The following DLGAP2 variants were observed in gnomAD, a reference collection of about 807,000 sequenced individuals.
The protein encoded by DLGAP2 is disks large-associated protein 2.
A neutral mutation model predicts 100.3 loss-of-function variants in DLGAP2; 26 were observed. The observed-to-expected ratio is 0.26, with a 90% CI of 0.19 to 0.36. The LOEUF is 0.36. DLGAP2 is among the 10% of genes least tolerant of loss of function. The pLI is 1.00. For missense variants in DLGAP2, 1,858 were observed against 1,453.2 expected (o/e 1.28, Z -4.53); for synonymous variants, 886 against 630.1 (o/e 1.41, Z -6.08).
chr8:1,547,832 C>G (rs1397844972), intron 4 of DLGAP2, among the ~76,000 whole-genome samples: 1 of 152,178 alleles, frequency 6.6e-6, no homozygotes, highest in Non-Finnish European at 1.5e-5. Context: ...CAGATGGGAC[C>G]TCGAGAAAGC....
chr8:905,165 T>C (rs1445974387), intron 1 of DLGAP2, among the ~76,000 whole-genome samples: 1 of 152,128 alleles, frequency 6.6e-6, no homozygotes, highest in Non-Finnish European at 1.5e-5. Flanking sequence ...TCCTCAAGTA[T>C]AAAGAGCTAC....
chr8:1,222,215 T>G (rs1468215193), intron 2 of DLGAP2, among the ~76,000 whole-genome samples: 1 of 152,262 alleles, frequency 6.6e-6, no homozygotes, highest in Non-Finnish European at 1.5e-5. Flanking sequence ...GGGCTGATGT[T>G]ACTTTAATCT....
chr8:1,482,477 C>T (rs536834206), intron 3 of DLGAP2, among the ~76,000 whole-genome samples: 16 of 152,352 alleles, frequency 1.1e-4, no homozygotes, highest in Non-Finnish European at 1.5e-4. Context: ...ATGTATGGAA[C>T]GTCTGCTCTG....
chr8:1,203,719 A>G (rs4735993), intron 2 of DLGAP2, among the ~76,000 whole-genome samples: 62,057 of 152,098 alleles, frequency 0.41, 16,128 homozygotes, highest in African/African-American at 0.73. Context: ...CCAACCACAC[A>G]CACAAATGAT....
At chr8:1,377,946 C>G (rs1432201617) in intron 3 of DLGAP2, 1 of 150,602 alleles carries the variant, frequency 6.6e-6, no homozygotes, top group Non-Finnish European at 1.5e-5. Context: ...GTTCACGCAC[C>G]CCTGTGCAGA....
intron 3 of DLGAP2, among the ~76,000 whole-genome samples, chr8:1,287,020 C>G (rs1799935698): frequency 6.6e-6 from 1 of 152,220 alleles, no homozygotes. Context: ...CGTGAACCAG[C>G]TGCTTCATTT....
At chr8:1,525,342 C>T (rs896566234) in intron 4 of DLGAP2, among the ~76,000 whole-genome samples, 4 of 152,010 alleles carry the variant, frequency 2.6e-5, no homozygotes, top group Admixed American at 1.3e-4. Flanking sequence ...TGGTTAATGG[C>T]TTTTTATTTT....
chr8:838,745 ACTTT>A (rs1796928705), intron 1 of DLGAP2, among the ~76,000 whole-genome samples: 1 of 152,214 alleles, frequency 6.6e-6, no homozygotes, highest in Admixed American at 6.5e-5. Flanking sequence ...GTAATGAAGA[ACTTT>A]CTTTAATGAG....
At position 1,169,150 on chromosome 8, in the gene DLGAP2, A is replaced by T. The variant is rs543270195; in HGVS notation, c.74-89701A>T. Among the ~76,000 whole-genome samples the T allele has an allele frequency of 3.1e-3, 466 of 151,548 alleles. 1 individual carries two copies. The highest frequency in any genetic ancestry group is 0.011 in the African/African-American group (447 of 41,216). ...TTATTAAATAGGGAATCCTTTCCCCATTGCTTGTTTTTCTAAGGTTTGTCA... is the reference window on the plus strand; with the variant it reads ...TTATTAAATAGGGAATCCTTTCCCCTTTGCTTGTTTTTCTAAGGTTTGTCA... On this transcript the variant is annotated intron_variant, in intron 2 of 14. Transcript: ENST00000637795.
chr8:1,309,757 A>G (rs1186915921), intron 3 of DLGAP2, among the ~76,000 whole-genome samples: 2 of 152,354 alleles, frequency 1.3e-5, no homozygotes, highest in African/African-American at 4.8e-5. Flanking sequence ...TGCATAAAAG[A>G]TAAGTGTACG....
intron 3 of DLGAP2, among the ~76,000 whole-genome samples, chr8:1,337,208 G>C (rs59773659): frequency 1.2e-5 from 1 of 82,392 alleles, no homozygotes; most frequent in Non-Finnish European, 2.4e-5. Context: ...GGTGATGATG[G>C]TGATGATGAT....
chr8:1,048,008 G>A (rs1021256278), intron 2 of DLGAP2, among the ~76,000 whole-genome samples: 1 of 152,156 alleles, frequency 6.6e-6, no homozygotes, highest in Admixed American at 6.5e-5. Context: ...AGGCCTGCAA[G>A]GGTGCGGACA....
At chr8:1,293,903 G>A (rs895531371) in intron 3 of DLGAP2, among the ~76,000 whole-genome samples, 1 of 152,152 alleles carries the variant, frequency 6.6e-6, no homozygotes, top group African/African-American at 2.4e-5. Context: ...ATGTGCTGAG[G>A]TCCTAAAGCT....
Position 892,009 on chromosome 8 carries a change from C to G in DLGAP2, c.19-15903C>G, listed in dbSNP as rs142663954. 7.1e-3 allele frequency among the ~76,000 whole-genome samples: 1,078 copies of G among 152,276 alleles called. 14 individuals carry two copies. The highest frequency in any genetic ancestry group is 0.025 in the African/African-American group (1,040 of 41,532). ...GTGCATGAGTCAGTGCCGAGAAAGCCCCTTTTGCCCCTTAGGATGGCCACT... is the reference window on the plus strand; with the variant it reads ...GTGCATGAGTCAGTGCCGAGAAAGCGCCTTTTGCCCCTTAGGATGGCCACT... On this transcript the variant is annotated intron_variant, in intron 1 of 14. Transcript: ENST00000637795.
chr8:1,363,766 G>A (rs543625028), intron 3 of DLGAP2, among the ~76,000 whole-genome samples: 5 of 152,216 alleles, frequency 3.3e-5, no homozygotes, highest in African/African-American at 9.6e-5. Context: ...CATCCTTGCT[G>A]TGTGGGAACC....
At chr8:1,588,220 C>G (rs979511323) in intron 6 of DLGAP2, among the ~76,000 whole-genome samples, 6 of 152,068 alleles carry the variant, frequency 3.9e-5, no homozygotes, top group East Asian at 1.9e-4. Context: ...AAAATTCATG[C>G]AAGGCTTTCT....
In DLGAP2 at chr8:1,457,268, A is replaced by G. The variant is rs564865139; in HGVS notation, c.107-44098A>G. Among the ~76,000 whole-genome samples, 14 of 152,324 alleles carry G rather than the reference A, an allele frequency of 9.2e-5. No homozygotes were observed. In the East Asian group the frequency reaches 2.7e-3, roughly 29 times the overall value. ...AAGGGGTTGTTCTCAAGTTATAGTC[A>G]TAATTCATCGACGTGTTCGATGGCT... On this transcript the variant is annotated intron_variant, in intron 3 of 14. Transcript: ENST00000637795.
chr8:757,095 A>G (rs1820940202), intron 1 of DLGAP2, among the ~76,000 whole-genome samples: 1 of 152,044 alleles, frequency 6.6e-6, no homozygotes, highest in Non-Finnish European at 1.5e-5. Flanking sequence ...CCCACCTGGA[A>G]TACTCGTCAT....
At chr8:1,175,883 A>G (rs1797241912) in intron 2 of DLGAP2, among the ~76,000 whole-genome samples, 1 of 152,206 alleles carries the variant, frequency 6.6e-6, no homozygotes. Context: ...GTTGTTTATT[A>G]TCCACATAGC....
Sources: allele counts gnomAD v4.1 joint callset (sites outside exome capture counted in the v4.1 genomes callset), GRCh38; gene constraint gnomAD v4.1.1; transcripts MANE v1.5; gene names NCBI Gene and HGNC (gene_info 2026-07-23, HGNC 2026-07-21).